The following MKLN1 variants were observed in gnomAD, a reference collection of about 807,000 sequenced individuals.
The protein encoded by MKLN1 is muskelin.
Under a neutral mutation model 99.0 loss-of-function variants are expected in MKLN1, and 18 were observed. That is an observed-to-expected ratio of 0.18 (90% CI 0.13 to 0.27). The LOEUF is 0.27. Among genes scored for constraint, MKLN1 ranks in the 10% least tolerant of loss-of-function variants. The pLI, the probability that MKLN1 is intolerant of heterozygous loss-of-function variation, is 1.00. For missense variants in MKLN1, 621 were observed against 875.9 expected (o/e 0.71, Z 3.67); for synonymous variants, 288 against 293.2 (o/e 0.98, Z 0.18).
At chr7:131,300,430 C>G (rs909086775) in intron 3 of MKLN1, among the ~76,000 whole-genome samples, 2 of 151,306 alleles carry the variant, frequency 1.3e-5, no homozygotes, top group Non-Finnish European at 1.5e-5. Flanking sequence ...CCTGTAATCC[C>G]AGCACTTTTG....
chr7:131,258,729 C>T (rs1239981739), intron 3 of MKLN1, among the ~76,000 whole-genome samples: 1 of 152,162 alleles, frequency 6.6e-6, no homozygotes, highest in African/African-American at 2.4e-5. Context: ...TTTTCCCCTT[C>T]TTTCCTTCTT....
At chr7:131,231,184 G>A (rs1797238844) in intron 3 of MKLN1, among the ~76,000 whole-genome samples, 1 of 147,418 alleles carries the variant, frequency 6.8e-6, no homozygotes, top group Non-Finnish European at 1.5e-5. Context: ...GAGAGGAGAA[G>A]ATAAACATTT....
chr7:131,388,211 T>C (rs368841639), intron 3 of MKLN1, among the ~76,000 whole-genome samples: 1 of 151,278 alleles, frequency 6.6e-6, no homozygotes, highest in Non-Finnish European at 1.5e-5. Context: ...TGACATGGTA[T>C]GGCCCATTAA....
chr7:131,264,756 GACTCTA>G (rs1185423912), intron 3 of MKLN1, among the ~76,000 whole-genome samples: 1 of 152,144 alleles, frequency 6.6e-6, no homozygotes, highest in African/African-American at 2.4e-5. Flanking sequence ...TAGCAGGACA[GACTCTA>G]ACCTTAGGAT....
At chr7:131,300,518 T>TAA (rs1246078082) in intron 3 of MKLN1, among the ~76,000 whole-genome samples, 1 of 49,116 alleles carries the variant, frequency 2.0e-5, no homozygotes, top group Admixed American at 2.5e-4. Context: ...CTGTCTCTAG[T>TAA]TAAAAAAAAA....
At position 131,402,683 on chromosome 7, in the gene MKLN1, T is replaced by G. The variant is rs1377405847; in HGVS notation, c.703+3250T>G. 2.0e-5 allele frequency among the ~76,000 whole-genome samples: 3 copies of G among 152,248 alleles called. No individual in the cohort carries two copies. The South Asian group carries it at 6.2e-4, about 31-fold the overall frequency. ...AGGCTACAAAATGGATATGTGTTAG[T>G]AGGCATGAAAACATTAATATTCCTG... On this transcript the variant is annotated intron_variant, in intron 6 of 17. Coordinates refer to ENST00000352689, the MANE Select transcript of MKLN1 (RefSeq NM_013255.5).
intron 3 of MKLN1, among the ~76,000 whole-genome samples, chr7:131,227,889 T>C (rs1454337377): frequency 6.6e-6 from 1 of 151,938 alleles, no homozygotes; most frequent in Non-Finnish European, 1.5e-5. Flanking sequence ...CATTGTTTAT[T>C]ATGCATCCTT....
rs932454139 is a variant in MKLN1, at chr7:131,496,458, G to A, written c.*8730G>A. Reference sequence around the variant, plus strand: ...TTTTTAGGATTTTTTTTTTCTTATAGTACAAATAATTTTCAGATCCCAGCT... The same window carrying A: ...TTTTTAGGATTTTTTTTTTCTTATAATACAAATAATTTTCAGATCCCAGCT... On this transcript the variant is annotated 3_prime_UTR_variant, in exon 18 of 18. Transcript: ENST00000352689. The A allele has an allele frequency of 6.6e-6, 1 of 150,738 alleles. No homozygotes were observed. The highest frequency in any genetic ancestry group is 2.5e-5 in the African/African-American group (1 of 40,812). 9.3% of individuals were successfully genotyped at this position (150,738 alleles called of 1,614,324 possible).
chr7:131,309,310 A>G (rs1421628923), intron 3 of MKLN1, among the ~76,000 whole-genome samples: 1 of 152,226 alleles, frequency 6.6e-6, no homozygotes, highest in East Asian at 1.9e-4. Context: ...TAATATAAGT[A>G]GAGAGTTTAT....
intron 10 of MKLN1, among the ~76,000 whole-genome samples, 186 bp from the exon 11 acceptor site, chr7:131,443,294 TG>T (rs1795895418): frequency 6.6e-6 from 1 of 152,218 alleles, no homozygotes; most frequent in African/African-American, 2.4e-5. Context: ...TTACCCTCAC[TG>T]ACAAAAATGA....
intron 1 of MKLN1, among the ~76,000 whole-genome samples, chr7:131,141,121 C>T (rs962218121): frequency 1.3e-5 from 2 of 152,058 alleles, no homozygotes; most frequent in African/African-American, 4.8e-5. Context: ...GTTATTCTGT[C>T]TTCTCTCTTT....
intron 2 of MKLN1, among the ~76,000 whole-genome samples, chr7:131,146,283 A>C (rs1364526280): frequency 6.6e-6 from 1 of 152,198 alleles, no homozygotes; most frequent in African/African-American, 2.4e-5. Flanking sequence ...TCAAGACTGC[A>C]GTGAGCTATG....
chr7:131,215,311 G>C (rs1451496305), intron 3 of MKLN1, among the ~76,000 whole-genome samples: 2 of 152,218 alleles, frequency 1.3e-5, no homozygotes, highest in African/African-American at 4.8e-5. Context: ...GCCTCCCAAA[G>C]TGGTGGGATT....
At chr7:131,239,143 C>A (rs1797365192) in intron 3 of MKLN1, among the ~76,000 whole-genome samples, 1 of 152,030 alleles carries the variant, frequency 6.6e-6, no homozygotes, top group Non-Finnish European at 1.5e-5. Flanking sequence ...TGGCAGGGTA[C>A]TCCATTTATT....
intron 1 of MKLN1, among the ~76,000 whole-genome samples, chr7:131,132,288 G>A (rs1164231910): frequency 6.6e-6 from 1 of 152,166 alleles, no homozygotes; most frequent in African/African-American, 2.4e-5. Flanking sequence ...CCTGGAAAAG[G>A]GAAAGAATGT....
chr7:131,188,904 A>G (rs1796491973), intron 2 of MKLN1, among the ~76,000 whole-genome samples: 1 of 152,248 alleles, frequency 6.6e-6, no homozygotes, highest in Admixed American at 6.5e-5. Flanking sequence ...GATATGAATC[A>G]TCAGTGTCTT....
intron 2 of MKLN1, among the ~76,000 whole-genome samples, chr7:131,150,211 T>G (rs1039881277): frequency 1.2e-4 from 18 of 152,260 alleles, no homozygotes; most frequent in African/African-American, 4.3e-4. Flanking sequence ...AACTTAAAAG[T>G]GGCAACAAAA....
intron 1 of MKLN1, among the ~76,000 whole-genome samples, chr7:131,349,809 A>G (rs1799667902): frequency 6.6e-6 from 1 of 152,090 alleles, no homozygotes; most frequent in Admixed American, 6.5e-5. Flanking sequence ...ATTTTTGTCT[A>G]GTGAGAATTT....
At chr7:131,133,007 A>G (rs1250105373) in intron 1 of MKLN1, among the ~76,000 whole-genome samples, 2 of 150,468 alleles carry the variant, frequency 1.3e-5, no homozygotes, top group African/African-American at 4.9e-5. Flanking sequence ...TGTGCCTTGC[A>G]TATATTTTTA....
Sources: allele counts gnomAD v4.1 joint callset (sites outside exome capture counted in the v4.1 genomes callset), GRCh38; gene constraint gnomAD v4.1.1; transcripts MANE v1.5; gene names NCBI Gene and HGNC (gene_info 2026-07-23, HGNC 2026-07-21).